The following IGSF5 variants were observed in gnomAD, a reference collection of about 807,000 sequenced individuals.
The protein encoded by IGSF5 is immunoglobulin superfamily 5 like.
IGSF5 carries 41 observed loss-of-function variants against 39.4 expected under a neutral mutation model. The ratio of observed to expected loss-of-function variants is 1.04; its 90% CI spans 0.81 to 1.35. The LOEUF is 1.35. Ranked by LOEUF, IGSF5 falls within the 40% of genes most tolerant of loss-of-function variation. IGSF5 has a pLI of 0.00. For synonymous variants in IGSF5, 183 were observed against 175.3 expected, an observed-to-expected ratio of 1.04 and a Z score of -0.34; for missense variants, 487 against 494.6, an observed-to-expected ratio of 0.98 and a Z score of 0.15.
At chr21:39,714,696 CCTT>C in the IGSF5 span, among the ~76,000 whole-genome samples, 10 of 152,132 alleles carry the variant, frequency 6.6e-5, no homozygotes, top group Non-Finnish European at 1.3e-4. Context: ...CACGTGGTAT[CCTT>C]CTTGTGTGTG....
intron 2 of IGSF5, among the ~76,000 whole-genome samples, chr21:39,746,629 T>C (rs1031344373): frequency 6.6e-6 from 1 of 151,732 alleles, no homozygotes; most frequent in African/African-American, 2.4e-5. Flanking sequence ...AAGAAGGTGG[T>C]CTCCCAGCAT....
intron 2 of IGSF5, among the ~76,000 whole-genome samples, chr21:39,760,516 G>A (rs2837178): frequency 0.39 from 59,377 of 151,826 alleles, 11,932 homozygotes; most frequent in Admixed American, 0.52. Context: ...TCTGGTGATC[G>A]GAGGGTGAAG....
chr21:39,786,674 C>T (rs1019700594), intron 5 of IGSF5, among the ~76,000 whole-genome samples: 23 of 151,910 alleles, frequency 1.5e-4, no homozygotes, highest in Non-Finnish European at 3.2e-4. Flanking sequence ...TTTATTGTGG[C>T]ATTATTCACA....
chr21:39,792,832 C>T lies in IGSF5; in HGVS notation c.1049-702C>T, dbSNP rs1026392092. On this transcript the variant is annotated intron_variant, in intron 7 of 8. Transcript: ENST00000380588. The stretch of plus-strand genomic sequence containing the variant: ...GCAGCAGCAGTTGAGTATTGAAGGC[C>T]GATGAGAGGGGAAGGCTGAACCCAC... Among the ~76,000 whole-genome samples, 9 of 152,158 alleles carry T rather than the reference C, an allele frequency of 5.9e-5. No individual in the cohort carries two copies. The East Asian group carries it at 9.7e-4, about 16-fold the overall frequency.
At chr21:39,725,051 C>A in the IGSF5 span, among the ~76,000 whole-genome samples, 1 of 152,346 alleles carries the variant, frequency 6.6e-6, no homozygotes, top group African/African-American at 2.4e-5. Context: ...TGACACACAA[C>A]GTTCAGTAAA....
At chr21:39,727,090 G>C in the IGSF5 span, among the ~76,000 whole-genome samples, 1 of 152,186 alleles carries the variant, frequency 6.6e-6, no homozygotes, top group East Asian at 1.9e-4. Context: ...CCAATTGTCA[G>C]GACACACGGG....
At chr21:39,758,884 G>T (rs955727882) in intron 2 of IGSF5, among the ~76,000 whole-genome samples, 3 of 152,118 alleles carry the variant, frequency 2.0e-5, no homozygotes, top group African/African-American at 7.2e-5. Flanking sequence ...GCATTTATTT[G>T]AAGAATAATA....
chr21:39,758,111 T>C (rs2080041849), intron 2 of IGSF5, among the ~76,000 whole-genome samples: 1 of 152,168 alleles, frequency 6.6e-6, no homozygotes, highest in Non-Finnish European at 1.5e-5. Flanking sequence ...CTGACTGTGC[T>C]GGTCGTCCTG....
chr21:39,717,014 T>A, the IGSF5 span, among the ~76,000 whole-genome samples: 22 of 152,266 alleles, frequency 1.4e-4, no homozygotes, highest in South Asian at 4.4e-3. Context: ...TTATCTGTTA[T>A]TTTTTTGACT....
At chr21:39,717,786 A>T in the IGSF5 span, among the ~76,000 whole-genome samples, 1 of 151,820 alleles carries the variant, frequency 6.6e-6, no homozygotes, top group African/African-American at 2.4e-5. Context: ...ATTCCTCCAG[A>T]TTTGTTCTTT....
intron 6 of IGSF5, 35 bp from the exon 7 acceptor site, chr21:39,791,973 A>G (rs748883339): frequency 3.0e-5 from 43 of 1,438,338 alleles, no homozygotes; most frequent in Non-Finnish European, 3.8e-5. Context: ...GTTAATGCCA[A>G]CAATTAACAT....
In IGSF5 at chr21:39,793,536, A is replaced by G; in HGVS notation, c.1051A>G (p.Thr351Ala). The G allele has an allele frequency of 6.2e-7, 1 of 1,613,610 alleles. No individual in the cohort carries two copies. Among genetic ancestry groups the G allele is most frequent in the Non-Finnish European group, 8.5e-7 (1 of 1,179,632 alleles). ...YNSDEQKTTDTASLPPKSCES... is the reference protein window; with the variant it reads ...YNSDEQKTTDAASLPPKSCES... ...CTAAAATTGTTCTTCTGTTGCAGACACCGCTTCTCTCCCTCCCAAATCCTG... is the reference window on the plus strand; with the variant it reads ...CTAAAATTGTTCTTCTGTTGCAGACGCCGCTTCTCTCCCTCCCAAATCCTG... Residue 351 changes from threonine to alanine, a missense_variant and splice_region_variant, in exon 8 of 9, where the codon ACC (threonine) becomes GCC (alanine). Thr to Ala is a moderately conservative substitution (Grantham distance 58). Transcript: ENST00000380588.
At chr21:39,763,279 T>C (rs1409650659) in intron 2 of IGSF5, among the ~76,000 whole-genome samples, 1 of 152,180 alleles carries the variant, frequency 6.6e-6, no homozygotes, top group Non-Finnish European at 1.5e-5. Flanking sequence ...CCTTGCAGTA[T>C]AGAAAAATAC....
chr21:39,756,989 C>T (rs1205364907), intron 2 of IGSF5, among the ~76,000 whole-genome samples: 1 of 152,094 alleles, frequency 6.6e-6, no homozygotes, highest in Non-Finnish European at 1.5e-5. Flanking sequence ...CTTCCACCCA[C>T]CCCTGTCTGC....
At chr21:39,758,070 T>C (rs1270820719) in intron 2 of IGSF5, among the ~76,000 whole-genome samples, 5 of 151,416 alleles carry the variant, frequency 3.3e-5, no homozygotes, top group Admixed American at 2.6e-4. Context: ...AGGAAGAACA[T>C]ATGGAGGTGC....
the IGSF5 span, among the ~76,000 whole-genome samples, chr21:39,723,220 C>A: frequency 6.6e-6 from 1 of 152,188 alleles, no homozygotes; most frequent in Non-Finnish European, 1.5e-5. Context: ...TTGAAGCTCA[C>A]ATGGCTATTG....
At chr21:39,740,848 G>A (rs2079945463), upstream of IGSF5, among the ~76,000 whole-genome samples, 1 of 152,194 alleles carries the variant, frequency 6.6e-6, no homozygotes, top group African/African-American at 2.4e-5. Context: ...GTAAATGGTT[G>A]TCTGACAGCC....
chr21:39,739,774 G>A, the IGSF5 span, among the ~76,000 whole-genome samples: 5 of 152,058 alleles, frequency 3.3e-5, no homozygotes, highest in South Asian at 2.1e-4. Context: ...AGGGGTCCGC[G>A]GTAGATCTTA....
chr21:39,736,983 C>A, the IGSF5 span, among the ~76,000 whole-genome samples: 31 of 152,282 alleles, frequency 2.0e-4, no homozygotes, highest in African/African-American at 7.5e-4. Context: ...ATTCCTATGG[C>A]ACATTGTTCT....
Sources: gnomAD v4.1 joint callset for allele counts (sites outside exome capture counted in the v4.1 genomes callset) on GRCh38, gnomAD v4.1.1 for gene constraint, MANE v1.5 for transcripts, NCBI Gene and HGNC (gene_info 2026-07-23, HGNC 2026-07-21) for gene names.